Variants in IPCEF1 observed in about 807,000 individuals in gnomAD.
IPCEF1 encodes interaction protein for cytohesin exchange factors 1, also known as interactor protein for cytohesin exchange factors 1.
IPCEF1 carries 31 observed loss-of-function variants against 50.9 expected under a neutral mutation model. The ratio of observed to expected loss-of-function variants is 0.61; its 90% CI spans 0.46 to 0.82. The LOEUF (loss-of-function observed/expected upper bound fraction) is 0.82. Ranked by LOEUF, IPCEF1 falls within the 40% of genes least tolerant of loss-of-function variation. The pLI, the probability that IPCEF1 is intolerant of heterozygous loss-of-function variation, is 0.00. For synonymous variants in IPCEF1, 181 were observed against 192.0 expected, an observed-to-expected ratio of 0.94 and a Z score of 0.47; for missense variants, 458 against 514.0, an observed-to-expected ratio of 0.89 and a Z score of 1.05.
intron 1 of IPCEF1, among the ~76,000 whole-genome samples, chr6:154,347,847 C>T (rs1784060759): frequency 6.6e-6 from 1 of 152,166 alleles, no homozygotes; most frequent in Non-Finnish European, 1.5e-5. Flanking sequence ...GTTTGGTGCT[C>T]AATGCCTGAA....
chr6:154,185,294 A>T lies in IPCEF1; in HGVS notation c.910+14374T>A, dbSNP rs1998220. Among the ~76,000 whole-genome samples, 4 of 152,148 alleles carry T rather than the reference A, an allele frequency of 2.6e-5. No homozygotes were observed. In the South Asian group the frequency reaches 8.3e-4, roughly 32 times the overall value. ...AGACATGGAGCTTAATGACTGCCTA[A>T]GTGTTCAAACTGCCAAGGCACACTT... is the stretch of plus-strand genomic sequence containing the variant. On this transcript the variant is annotated intron_variant, in intron 10 of 11. Transcript: ENST00000367220.
chr6:154,314,549 TTC>T (rs72450606), intron 1 of IPCEF1, among the ~76,000 whole-genome samples: 11,181 of 152,212 alleles, frequency 0.073, 763 homozygotes, highest in East Asian at 0.33. Flanking sequence ...CCTCTTGTGT[TTC>T]TCTTTCTACC....
chr6:154,206,590 T>C (rs1744205842), intron 9 of IPCEF1, among the ~76,000 whole-genome samples: 3 of 129,592 alleles, frequency 2.3e-5, no homozygotes, highest in African/African-American at 9.5e-5. Flanking sequence ...CAAAAGCAGA[T>C]TGTGATAACA....
intron 3 of IPCEF1, among the ~76,000 whole-genome samples, chr6:154,256,644 G>A (rs894449030): frequency 9.7e-5 from 14 of 144,714 alleles, no homozygotes; most frequent in African/African-American, 3.6e-4. Context: ...TGTGCTTATG[G>A]CTCTCTCTTT....
rs1798681392 is a variant in IPCEF1, at chr6:154,155,622, C to G, written c.*4206G>C. The G allele has an allele frequency of 6.6e-6, 1 of 151,922 alleles. No individual in the cohort carries two copies. Among genetic ancestry groups the G allele is most frequent in the Admixed American group, 6.6e-5 (1 of 15,242 alleles). The allele number at this position is 151,922 out of a possible 1,614,324, so 9.4% of individuals were successfully genotyped here. A position where few individuals can be genotyped will look rare whatever the true frequency, so the allele number is the denominator to read the frequency against. ...AACCAGCCTGGGCAACATGGTAAAC[C>G]CCGGTCTCTACTAAAAATATAAAAA... is the stretch of plus-strand genomic sequence containing the variant. On this transcript the variant is annotated 3_prime_UTR_variant, in exon 12 of 12. Transcript: ENST00000367220.
chr6:154,302,599 C>T (rs1430768696), intron 1 of IPCEF1, among the ~76,000 whole-genome samples: 2 of 152,118 alleles, frequency 1.3e-5, no homozygotes, highest in Non-Finnish European at 2.9e-5. Flanking sequence ...CTCAGCCCCC[C>T]GAGTAGCTGG....
chr6:154,268,922 G>A (rs939843975), intron 2 of IPCEF1, among the ~76,000 whole-genome samples: 11 of 152,016 alleles, frequency 7.2e-5, no homozygotes, highest in South Asian at 2.1e-4. Flanking sequence ...GGGAGAGATC[G>A]ATCCCCTTTT....
intron 10 of IPCEF1, among the ~76,000 whole-genome samples, chr6:154,175,456 T>A (rs1434177222): frequency 3.6e-5 from 5 of 140,366 alleles, no homozygotes; most frequent in South Asian, 2.2e-4. Context: ...GAAAGAAGAA[T>A]CAAATAGACA....
chr6:154,205,918 C>T (rs945668362), intron 9 of IPCEF1, among the ~76,000 whole-genome samples: 1 of 152,034 alleles, frequency 6.6e-6, no homozygotes, highest in Non-Finnish European at 1.5e-5. Context: ...CGGAAACTCA[C>T]CCAGATCCCC....
chr6:154,199,093 A>G (rs563705117), intron 10 of IPCEF1, among the ~76,000 whole-genome samples: 1 of 152,340 alleles, frequency 6.6e-6, no homozygotes, highest in African/African-American at 2.4e-5. Flanking sequence ...TTCCTTTGTT[A>G]AGACTTAAAA....
chr6:154,349,266 A>G (rs2128701265), intron 1 of IPCEF1, among the ~76,000 whole-genome samples: 1 of 151,828 alleles, frequency 6.6e-6, no homozygotes, highest in African/African-American at 2.4e-5. Flanking sequence ...ATCATTGCCT[A>G]CTGCAACCTC....
At chr6:154,324,891 T>TG (rs397812686) in intron 1 of IPCEF1, among the ~76,000 whole-genome samples, 1 of 151,518 alleles carries the variant, frequency 6.6e-6, no homozygotes, top group Non-Finnish European at 1.5e-5. Context: ...AGGGTTTTTT[T>TG]CCAGCATGGA....
chr6:154,281,184 CAA>C (rs35597942), intron 2 of IPCEF1, among the ~76,000 whole-genome samples: 3,007 of 58,948 alleles, frequency 0.051, 95 homozygotes, highest in African/African-American at 0.12. Flanking sequence ...TACTAAAATA[CAA>C]AAAAAAAAAA....
At chr6:154,314,984 G>A (rs1296281480) in intron 1 of IPCEF1, among the ~76,000 whole-genome samples, 2 of 151,470 alleles carry the variant, frequency 1.3e-5, no homozygotes, top group African/African-American at 2.4e-5. Context: ...AGGTTCAAGC[G>A]ATTCTCCTGC....
intron 10 of IPCEF1, among the ~76,000 whole-genome samples, chr6:154,180,785 T>G (rs1336147552): frequency 6.6e-6 from 1 of 152,234 alleles, no homozygotes; most frequent in Non-Finnish European, 1.5e-5. Flanking sequence ...TATGCCATAT[T>G]TCTTATCAGA....
chr6:154,185,778 A>AG (rs1012119167), intron 10 of IPCEF1, among the ~76,000 whole-genome samples: 1 of 152,226 alleles, frequency 6.6e-6, no homozygotes, highest in African/African-American at 2.4e-5. Flanking sequence ...AAAGCTAAAA[A>AG]GAAAAAAATC....
rs545798886 is a variant in IPCEF1 at position 154,305,828 on chromosome 6, C to G, written c.-61-16072G>C. 3.9e-5 allele frequency among the ~76,000 whole-genome samples: 6 copies of G among 152,266 alleles called. No homozygotes were observed. In the South Asian group the frequency reaches 1.0e-3, roughly 26 times the overall value. On this transcript the variant is annotated intron_variant, in intron 1 of 11. Transcript: ENST00000367220. ...TTCTCCCATGCTGGATGCTTCCAGC[C>G]CTCAAATATCAGACTCCAAGTTCTT...
chr6:154,310,590 T>C lies in IPCEF1; in HGVS notation c.-61-20834A>G, dbSNP rs564972034. On this transcript the variant is annotated intron_variant, in intron 1 of 11. Coordinates refer to ENST00000367220, the MANE Select transcript of IPCEF1 (RefSeq NM_001130700.2). ...TGTCAAAGAGATATCTGTACTCCCA[T>C]GTTTATTTCAGCATTATTCACAATA... 2.0e-5 allele frequency among the ~76,000 whole-genome samples: 3 copies of C among 152,336 alleles called. No homozygotes were observed. In the South Asian group the frequency reaches 6.2e-4, roughly 32 times the overall value.
chr6:154,307,826 G>A (rs1020056723), intron 1 of IPCEF1, among the ~76,000 whole-genome samples: 1 of 152,156 alleles, frequency 6.6e-6, no homozygotes, highest in East Asian at 1.9e-4. Context: ...AAAAATGAAT[G>A]TGTGCTCACA....
Sources: allele counts gnomAD v4.1 joint callset (sites outside exome capture counted in the v4.1 genomes callset), GRCh38; gene constraint gnomAD v4.1.1; transcripts MANE v1.5; gene names NCBI Gene and HGNC (gene_info 2026-07-23, HGNC 2026-07-21).